The following CCSER1 variants were observed in gnomAD, a reference collection of about 807,000 sequenced individuals.
The protein encoded by CCSER1 is serine-rich coiled-coil domain-containing protein 1.
A neutral mutation model predicts 82.0 loss-of-function variants in CCSER1; 41 were observed. The ratio of observed to expected loss-of-function variants is 0.50; its 90% CI spans 0.39 to 0.65. The LOEUF (loss-of-function observed/expected upper bound fraction) is 0.65, where lower values mean the gene tolerates loss of function less well. Among genes scored for constraint, CCSER1 ranks in the 30% least tolerant of loss-of-function variants. The pLI is 0.00. For synonymous variants in CCSER1, 414 were observed against 383.9 expected (o/e 1.08, Z -0.92); for missense variants, 1,119 against 1,064.2 (o/e 1.05, Z -0.72).
chr4:90,748,826 A>G (rs1748019996), intron 7 of CCSER1, among the ~76,000 whole-genome samples: 1 of 149,680 alleles, frequency 6.7e-6, no homozygotes, highest in Admixed American at 6.7e-5. Context: ...TTGGCTGCAT[A>G]AATGTCTTCT....
chr4:90,901,697 T>A (rs1724682580), intron 8 of CCSER1, among the ~76,000 whole-genome samples: 1 of 152,060 alleles, frequency 6.6e-6, no homozygotes. Flanking sequence ...GTCCCTTTTC[T>A]CAAGCTGCCC....
intron 10 of CCSER1, among the ~76,000 whole-genome samples, chr4:91,300,918 G>A (rs1242017108): frequency 6.6e-6 from 1 of 151,868 alleles, no homozygotes; most frequent in Non-Finnish European, 1.5e-5. Context: ...GATTGTAAAG[G>A]TAGTTTTTAA....
At chr4:90,298,907 G>T (rs1015894007) in intron 1 of CCSER1, among the ~76,000 whole-genome samples, 2 of 151,968 alleles carry the variant, frequency 1.3e-5, no homozygotes, top group Non-Finnish European at 2.9e-5. Context: ...ATTTACTTAA[G>T]CCTGGGTCAT....
At chr4:90,296,184 C>G (rs1255025580) in intron 1 of CCSER1, among the ~76,000 whole-genome samples, 1 of 152,036 alleles carries the variant, frequency 6.6e-6, no homozygotes, top group African/African-American at 2.4e-5. Context: ...ATTGTCAGTT[C>G]TTTGCTCCCT....
In CCSER1 at chr4:91,561,936, T is replaced by C. The variant is rs144165597; in HGVS notation, c.2218-36636T>C. On this transcript the variant is annotated intron_variant, in intron 10 of 10. Coordinates refer to ENST00000509176, the MANE Select transcript of CCSER1 (RefSeq NM_001145065.2). The stretch of plus-strand genomic sequence containing the variant: ...GTAAAATTCTTTTCAGGGCAATATT[T>C]ATTTTTGTGTGATTATATAGCTCTA... Among the ~76,000 whole-genome samples, 13 of 151,536 alleles carry C rather than the reference T, an allele frequency of 8.6e-5. 1 individual carries two copies. In the Admixed American group the frequency reaches 8.6e-4, roughly 10 times the overall value.
At chr4:91,530,876 G>C (rs865814354) in intron 10 of CCSER1, among the ~76,000 whole-genome samples, 3 of 151,818 alleles carry the variant, frequency 2.0e-5, no homozygotes, top group African/African-American at 7.3e-5. Flanking sequence ...TAGCAGAGAC[G>C]GGGTTTCTCC....
chr4:91,417,656 A>G (rs980193035), intron 10 of CCSER1, among the ~76,000 whole-genome samples: 1 of 152,024 alleles, frequency 6.6e-6, no homozygotes, highest in African/African-American at 2.4e-5. Context: ...ACACATAGAT[A>G]CATGTTTAGG....
intron 9 of CCSER1, among the ~76,000 whole-genome samples, chr4:90,971,051 A>G (rs936886838): frequency 1.3e-5 from 2 of 152,002 alleles, no homozygotes; most frequent in Non-Finnish European, 2.9e-5. Flanking sequence ...AGCAGAAGGA[A>G]GGAAATAGTA....
At chr4:90,587,335 G>A (rs772941254) in intron 5 of CCSER1, among the ~76,000 whole-genome samples, 15 of 152,098 alleles carry the variant, frequency 9.9e-5, no homozygotes, top group Non-Finnish European at 7.4e-5. Context: ...ATGCCTGGCC[G>A]GATGCAGTGA....
At chr4:91,564,736 C>T (rs567182756) in intron 10 of CCSER1, among the ~76,000 whole-genome samples, 1 of 151,652 alleles carries the variant, frequency 6.6e-6, no homozygotes, top group African/African-American at 2.4e-5. Context: ...GCTATTGTTT[C>T]TCTCTTGTTA....
intron 10 of CCSER1, among the ~76,000 whole-genome samples, chr4:91,170,443 G>T (rs1008348236): frequency 2.0e-5 from 3 of 152,004 alleles, no homozygotes; most frequent in Non-Finnish European, 4.4e-5. Context: ...CTGAAAACAC[G>T]TGACTGTGTT....
chr4:90,411,540 A>T, intron 4 of CCSER1, among the ~76,000 whole-genome samples: 1 of 152,266 alleles, frequency 6.6e-6, no homozygotes, highest in Non-Finnish European at 1.5e-5. Context: ...TTATCTCAAT[A>T]GATGCAGAAA....
intron 10 of CCSER1, among the ~76,000 whole-genome samples, chr4:91,166,015 T>A (rs1330565647): frequency 6.6e-6 from 1 of 152,246 alleles, no homozygotes; most frequent in Non-Finnish European, 1.5e-5. Flanking sequence ...TCTGCGTTGA[T>A]CACGCTGGGA....
At chr4:91,248,035 A>C (rs918497886) in intron 10 of CCSER1, among the ~76,000 whole-genome samples, 1 of 152,194 alleles carries the variant, frequency 6.6e-6, no homozygotes, top group African/African-American at 2.4e-5. Context: ...AGACAACAGC[A>C]AGAAAAAAGA....
chr4:90,613,834 A>G (rs1220490727), intron 5 of CCSER1, among the ~76,000 whole-genome samples: 2 of 152,034 alleles, frequency 1.3e-5, no homozygotes, highest in South Asian at 2.1e-4. Flanking sequence ...CCTTTCTTAC[A>G]CTCCTGTGAC....
At chr4:90,771,684 A>C (rs1752199355) in intron 7 of CCSER1, among the ~76,000 whole-genome samples, 2 of 151,944 alleles carry the variant, frequency 1.3e-5, no homozygotes, top group Admixed American at 6.6e-5. Context: ...GAGGTGGCTT[A>C]ATTTGTAAAT....
At chr4:90,147,158 A>T (rs1725965538) in intron 1 of CCSER1, among the ~76,000 whole-genome samples, 1 of 151,336 alleles carries the variant, frequency 6.6e-6, no homozygotes, top group Non-Finnish European at 1.5e-5. Flanking sequence ...AAGACACTTT[A>T]CTGTGTCTTT....
rs867513279 is a variant in CCSER1, at chr4:90,930,941, C to T, written c.2172+7494C>T. ...ATATATATATATATATATATATATA[C>T]ACATGACATATATATACATACATGA... On this transcript the variant is annotated intron_variant, in intron 9 of 10. Coordinates refer to ENST00000509176, the MANE Select transcript of CCSER1 (RefSeq NM_001145065.2). Among the ~76,000 whole-genome samples the T allele has an allele frequency of 1.3e-3, 120 of 93,432 alleles. 2 individuals carry two copies. In the East Asian group the frequency reaches 0.025, roughly 19 times the overall value. The allele number at this position is 93,432 out of a possible 152,430, so 61.3% of individuals were successfully genotyped here. A position where few individuals can be genotyped will look rare whatever the true frequency, so the allele number is the denominator to read the frequency against.
chr4:91,488,327 T>C (rs1175315941), intron 10 of CCSER1, among the ~76,000 whole-genome samples: 1 of 152,212 alleles, frequency 6.6e-6, no homozygotes, highest in Non-Finnish European at 1.5e-5. Context: ...TCCCTAAATA[T>C]GAATTTTCTA....
Sources: gnomAD v4.1 joint callset for allele counts (sites outside exome capture counted in the v4.1 genomes callset) on GRCh38, gnomAD v4.1.1 for gene constraint, MANE v1.5 for transcripts, NCBI Gene and HGNC (gene_info 2026-07-23, HGNC 2026-07-21) for gene names.